CACNA2D1: variants seen among roughly 807,000 people sequenced by gnomAD.
CACNA2D1 encodes the protein voltage-dependent calcium channel subunit alpha-2/delta-1.
A neutral mutation model predicts 171.5 loss-of-function variants in CACNA2D1; 53 were observed. That is an observed-to-expected ratio of 0.31 (90% confidence interval 0.25 to 0.39). The LOEUF is 0.39. Among genes scored for constraint, CACNA2D1 ranks in the 10% least tolerant of loss-of-function variants. The probability of loss-of-function intolerance (pLI) is 1.00; values close to 1 mark genes in which losing one functional copy is unlikely to be tolerated. For synonymous variants in CACNA2D1, 442 were observed against 443.1 expected, an observed-to-expected ratio of 1.00 and a Z score of 0.03; for missense variants, 903 against 1,299.8, an observed-to-expected ratio of 0.69 and a Z score of 4.69.
At chr7:82,318,344 C>T (rs1021523782) in intron 3 of CACNA2D1, among the ~76,000 whole-genome samples, 3 of 152,088 alleles carry the variant, frequency 2.0e-5, no homozygotes, top group African/African-American at 7.2e-5. Context: ...ACCAGAGTTT[C>T]CCCAAAACAC....
rs184206160 is a variant in CACNA2D1 at position 82,389,362 on chromosome 7, C to T, written c.96-39713G>A. On this transcript the variant is annotated intron_variant, in intron 1 of 38. Transcript: ENST00000356860. ...CCTCTTAATGCATGCTCAAGATTAA[C>T]GAACTTTGAATGTTCATGTTGATAG... 3.7e-3 allele frequency among the ~76,000 whole-genome samples: 567 copies of T among 151,878 alleles called. 4 individuals are homozygous for T. The highest frequency in any genetic ancestry group is 0.012 in the African/African-American group (507 of 41,430).
chr7:82,056,044 A>C (rs1805867551), intron 10 of CACNA2D1, among the ~76,000 whole-genome samples: 1 of 147,234 alleles, frequency 6.8e-6, no homozygotes, highest in African/African-American at 2.5e-5. Context: ...CCAAGTATCA[A>C]CACGGCCCAC....
chr7:82,023,263 A>G (rs1273153880), intron 12 of CACNA2D1, among the ~76,000 whole-genome samples: 2 of 151,920 alleles, frequency 1.3e-5, no homozygotes, highest in Non-Finnish European at 2.9e-5. Flanking sequence ...TTAATTTGGA[A>G]CAGCTGTGTG....
chr7:82,277,272 G>A (rs778389511), intron 3 of CACNA2D1, among the ~76,000 whole-genome samples: 2 of 152,044 alleles, frequency 1.3e-5, no homozygotes, highest in East Asian at 3.9e-4. Flanking sequence ...GCACAATCTC[G>A]GCTCATTGCA....
chr7:82,391,128 T>C (rs1248103773), intron 1 of CACNA2D1, among the ~76,000 whole-genome samples: 1 of 152,182 alleles, frequency 6.6e-6, no homozygotes, highest in Non-Finnish European at 1.5e-5. Context: ...CTGCTGTTTG[T>C]ACTGTACTTG....
chr7:81,971,000 G>A (rs2130441889), intron 26 of CACNA2D1: 1 of 454,960 alleles, frequency 2.2e-6, no homozygotes, highest in Non-Finnish European at 4.0e-6. Context: ...AAGCAGGAAG[G>A]TATCACTTGT....
intron 3 of CACNA2D1, among the ~76,000 whole-genome samples, chr7:82,251,039 T>C (rs1805571338): frequency 6.6e-6 from 1 of 152,144 alleles, no homozygotes; most frequent in African/African-American, 2.4e-5. Context: ...ATATGACACA[T>C]AACAAGTCAG....
chr7:82,171,734 A>G (rs528389758), intron 3 of CACNA2D1, among the ~76,000 whole-genome samples: 2 of 152,296 alleles, frequency 1.3e-5, no homozygotes, highest in East Asian at 1.9e-4. Flanking sequence ...TTATGCAGCT[A>G]GAAGATAGTG....
chr7:81,988,250 C>T (rs1797175784), intron 21 of CACNA2D1, among the ~76,000 whole-genome samples: 1 of 152,042 alleles, frequency 6.6e-6, no homozygotes, highest in Non-Finnish European at 1.5e-5. Context: ...TCTCTTTTTG[C>T]ACCTTTTGAC....
At chr7:82,391,404 T>C (rs1825104986) in intron 1 of CACNA2D1, among the ~76,000 whole-genome samples, 2 of 152,192 alleles carry the variant, frequency 1.3e-5, no homozygotes, top group African/African-American at 4.8e-5. Context: ...CTGATTCACC[T>C]GACTTTTTGC....
chr7:82,055,377 G>T (rs1805699759), intron 10 of CACNA2D1, among the ~76,000 whole-genome samples: 1 of 151,882 alleles, frequency 6.6e-6, no homozygotes. Flanking sequence ...CAACAAAAAG[G>T]CCAAGTACCA....
chr7:82,148,885 C>T (rs770228766), intron 4 of CACNA2D1, among the ~76,000 whole-genome samples: 1 of 152,206 alleles, frequency 6.6e-6, no homozygotes, highest in Non-Finnish European at 1.5e-5. Context: ...GATCCACTCA[C>T]CTCAGCCTCC....
intron 3 of CACNA2D1, among the ~76,000 whole-genome samples, chr7:82,207,445 C>T (rs1273168195): frequency 6.6e-6 from 1 of 152,046 alleles, no homozygotes; most frequent in African/African-American, 2.4e-5. Flanking sequence ...TATCAAATGC[C>T]ATCCAAAAAT....
chr7:82,332,556 A>AAGAAAGAAAGAAAGAAAGAAAGAG, intron 3 of CACNA2D1, among the ~76,000 whole-genome samples: 2 of 145,060 alleles, frequency 1.4e-5, no homozygotes, highest in South Asian at 4.7e-4. Context: ...GAAAGAAAGA[A>AAGAAAGAAAGAAAGAAAGAAAGAG]AGAAAGAAAG....
intron 3 of CACNA2D1, among the ~76,000 whole-genome samples, chr7:82,332,757 T>C (rs1439415622): frequency 6.6e-6 from 1 of 152,182 alleles, no homozygotes; most frequent in Non-Finnish European, 1.5e-5. Context: ...CCCAGCACTT[T>C]GGGAGGCCAA....
intron 4 of CACNA2D1, among the ~76,000 whole-genome samples, chr7:82,160,147 A>T (rs905610473): frequency 2.6e-5 from 4 of 151,866 alleles, no homozygotes; most frequent in African/African-American, 9.7e-5. Context: ...ACTTCCTACT[A>T]GCCTCTATGA....
intron 6 of CACNA2D1, among the ~76,000 whole-genome samples, chr7:82,109,490 C>T (rs1197091425): frequency 6.6e-6 from 1 of 152,144 alleles, no homozygotes; most frequent in African/African-American, 2.4e-5. Context: ...AAGTCATGTC[C>T]TGTTAGACTA....
intron 1 of CACNA2D1, among the ~76,000 whole-genome samples, chr7:82,351,606 C>CA (rs72363074): frequency 0.14 from 21,380 of 151,792 alleles, 2,336 homozygotes; most frequent in African/African-American, 0.3. Context: ...TATCAAGAAA[C>CA]AAAAACAAAT....
At chr7:82,291,169 GAATTAT>G (rs1811497314) in intron 3 of CACNA2D1, among the ~76,000 whole-genome samples, 1 of 106,118 alleles carries the variant, frequency 9.4e-6, no homozygotes, top group African/African-American at 4.8e-5. Flanking sequence ...TATCGATATA[GAATTAT>G]AATTCTATAT....
Sources: allele counts gnomAD v4.1 joint callset (sites outside exome capture counted in the v4.1 genomes callset), GRCh38; gene constraint gnomAD v4.1.1; transcripts MANE v1.5; gene names NCBI Gene and HGNC (gene_info 2026-07-23, HGNC 2026-07-21).